The following SATL1 variants were observed in gnomAD, a reference collection of about 807,000 sequenced individuals.
SATL1 encodes the protein spermidine/spermine N(1)-acetyltransferase-like protein 1.
A neutral mutation model predicts 51.8 loss-of-function variants in SATL1; 47 were observed. The ratio of observed to expected loss-of-function variants is 0.91; its 90% CI spans 0.72 to 1.16. The LOEUF (loss-of-function observed/expected upper bound fraction) is 1.16. SATL1 is among the 50% of genes most tolerant of loss of function. SATL1 has a pLI of 0.00. For synonymous variants in SATL1, 176 were observed against 182.4 expected (o/e 0.97, Z 0.28); for missense variants, 520 against 526.4 (o/e 0.99, Z 0.12).
At chrX:85,220,567 C>G (rs1928149532) in intron 2 of SATL1, among the ~76,000 whole-genome samples, 1 of 99,362 alleles carries the variant, frequency 1.0e-5, no homozygotes, top group Admixed American at 1.2e-4. Flanking sequence ...ACCAGCTCAG[C>G]CACAGCAGCA....
intron 1 of SATL1, among the ~76,000 whole-genome samples, chrX:85,232,523 G>A (rs1243892475): frequency 8.9e-6 from 1 of 111,771 alleles, no homozygotes; most frequent in East Asian, 2.8e-4. Flanking sequence ...GCTCTTGGAT[G>A]TCATTTCTAG....
chrX:85,166,527 G>T (rs915019668), intron 2 of SATL1, among the ~76,000 whole-genome samples: 1 of 111,496 alleles, frequency 9.0e-6, no homozygotes, highest in Non-Finnish European at 1.9e-5. Context: ...ATTAAAAAAT[G>T]CCCCAAATCA....
At chrX:85,144,015 A>C (rs1926173453) in intron 2 of SATL1, among the ~76,000 whole-genome samples, 1 of 112,200 alleles carries the variant, frequency 8.9e-6, no homozygotes, top group Non-Finnish European at 1.9e-5. Context: ...ATGAAACAGC[A>C]TAAAATCTTT....
chrX:85,121,999 T>A (rs1375268175), intron 2 of SATL1, among the ~76,000 whole-genome samples: 1 of 107,208 alleles, frequency 9.3e-6, no homozygotes, highest in African/African-American at 3.4e-5. Flanking sequence ...TTGTCATTTG[T>A]CAGTTTAAAA....
At chrX:85,116,938 T>C (rs1472603476) in intron 2 of SATL1, among the ~76,000 whole-genome samples, 1 of 111,145 alleles carries the variant, frequency 9.0e-6, no homozygotes, top group African/African-American at 3.3e-5. Flanking sequence ...AGAGGCAAAA[T>C]AGTAGTGTCT....
intron 2 of SATL1, among the ~76,000 whole-genome samples, chrX:85,184,464 A>T (rs1194650061): frequency 9.0e-6 from 1 of 111,016 alleles, no homozygotes; most frequent in Non-Finnish European, 1.9e-5. Context: ...TAACTCTTAG[A>T]TTTGTCCTTT....
intron 1 of SATL1, among the ~76,000 whole-genome samples, chrX:85,232,238 T>C (rs905906491): frequency 9.1e-6 from 1 of 109,605 alleles, no homozygotes; most frequent in Non-Finnish European, 1.9e-5. Flanking sequence ...AGATGAATCA[T>C]CTGCTGAATA....
At chrX:85,093,778 T>C (rs776034060) in intron 6 of SATL1, among the ~76,000 whole-genome samples, 1 of 111,903 alleles carries the variant, frequency 8.9e-6, no homozygotes, top group East Asian at 2.8e-4. Context: ...GTGGGAGGAT[T>C]GCTTGAGTGT....
chrX:85,203,773 T>C lies in SATL1; in HGVS notation c.-313+20432A>G, dbSNP rs758908380. ...AACAGCAAAGATGGCGGCCCGCCCCTTTCCACGGGAGCTCCTTCTTAGTGA... is the reference window on the plus strand; with the variant it reads ...AACAGCAAAGATGGCGGCCCGCCCCCTTCCACGGGAGCTCCTTCTTAGTGA... On this transcript the variant is annotated intron_variant, in intron 2 of 7. Coordinates refer to ENST00000644105, the MANE Select transcript of SATL1 (RefSeq NM_001367857.2). Among the ~76,000 whole-genome samples the C allele has an allele frequency of 3.1e-4, 35 of 112,669 alleles. No homozygotes were observed. The South Asian group carries it at 9.5e-3, about 31-fold the overall frequency.
Position 85,158,729 on chromosome X carries a change from G to A in SATL1, c.-312-49449C>T, listed in dbSNP as rs189094568. Among the ~76,000 whole-genome samples the A allele has an allele frequency of 8.1e-5, 9 of 111,417 alleles. No individual in the cohort carries two copies. The East Asian group carries it at 2.5e-3, about 32-fold the overall frequency. On this transcript the variant is annotated intron_variant, in intron 2 of 7. Coordinates refer to ENST00000644105, the MANE Select transcript of SATL1 (RefSeq NM_001367857.2). Reference sequence around the variant, plus strand: ...TTAACGAACATAAAAAGAATACCAAGCCATATAATAGAAGCAACAAATATG... The same window carrying A: ...TTAACGAACATAAAAAGAATACCAAACCATATAATAGAAGCAACAAATATG...
chrX:85,150,369 C>T (rs1345206145), intron 2 of SATL1, among the ~76,000 whole-genome samples: 2 of 109,837 alleles, frequency 1.8e-5, no homozygotes, highest in African/African-American at 3.3e-5. Flanking sequence ...GATTCACAGC[C>T]GAATTCTACC....
At chrX:85,173,890 T>C (rs1236307838) in intron 2 of SATL1, among the ~76,000 whole-genome samples, 1 of 108,118 alleles carries the variant, frequency 9.2e-6, no homozygotes, top group Non-Finnish European at 1.9e-5. Context: ...GTCATTTACA[T>C]TAGGTATATC....
chrX:85,140,773 C>T (rs760961188), intron 2 of SATL1, among the ~76,000 whole-genome samples: 13 of 111,671 alleles, frequency 1.2e-4, no homozygotes, highest in African/African-American at 3.9e-4. Flanking sequence ...AGAATATTTA[C>T]GTTATATCCC....
At chrX:85,174,482 C>T (rs1927046890) in intron 2 of SATL1, among the ~76,000 whole-genome samples, 1 of 109,854 alleles carries the variant, frequency 9.1e-6, no homozygotes, top group African/African-American at 3.3e-5. Flanking sequence ...ACCACCACAC[C>T]TGGCTAATTT....
chrX:85,208,144 C>T (rs55969703), intron 2 of SATL1, among the ~76,000 whole-genome samples: 13,963 of 109,543 alleles, frequency 0.13, 709 homozygotes, highest in South Asian at 0.17. Context: ...TGAGTGGGAA[C>T]ATGTGGTGTT....
chrX:85,240,167 A>T (rs1928559963), intron 1 of SATL1, among the ~76,000 whole-genome samples: 1 of 111,834 alleles, frequency 8.9e-6, no homozygotes, highest in Admixed American at 9.5e-5. Flanking sequence ...ACTTAAATGG[A>T]CGCTTCATCA....
At chrX:85,171,366 C>A (rs1254092232) in intron 2 of SATL1, among the ~76,000 whole-genome samples, 1 of 111,765 alleles carries the variant, frequency 8.9e-6, no homozygotes, top group Non-Finnish European at 1.9e-5. Flanking sequence ...ACTCTAAGAA[C>A]TGTACTTTCT....
In SATL1 at chrX:85,118,271, T is replaced by C. The variant is rs1453891341; in HGVS notation, c.-312-8991A>G. 3.7e-5 allele frequency: 4 copies of C among 108,622 alleles called. No homozygotes were observed. The East Asian group carries it at 1.2e-3, about 31-fold the overall frequency. 9.0% of individuals were successfully genotyped at this position (108,622 alleles called of 1,213,427 possible). A position where few individuals can be genotyped will look rare whatever the true frequency, so the allele number is the denominator to read the frequency against. On this transcript the variant is annotated intron_variant, in intron 2 of 7. Transcript: ENST00000644105. ...GATGTCAATATTCAGTTTTAAATGT[T>C]TTCCTATTTGGTGCTATCTGGAAAT...
At chrX:85,211,769 G>A (rs1408928269) in intron 2 of SATL1, 1 of 111,364 alleles carries the variant, frequency 9.0e-6, no homozygotes, top group Non-Finnish European at 1.9e-5. Context: ...TAGATAGATA[G>A]GCAAACAATA....
Sources: allele counts gnomAD v4.1 joint callset (sites outside exome capture counted in the v4.1 genomes callset), GRCh38; gene constraint gnomAD v4.1.1; transcripts MANE v1.5; gene names NCBI Gene and HGNC (gene_info 2026-07-23, HGNC 2026-07-21).